Variants in CRPPA observed in about 807,000 individuals in gnomAD.
CRPPA encodes the protein D-ribitol-5-phosphate cytidylyltransferase.
Under a neutral mutation model 52.0 loss-of-function variants are expected in CRPPA, and 43 were observed. The ratio of observed to expected loss-of-function variants is 0.83; its 90% CI spans 0.65 to 1.07. CRPPA has a LOEUF of 1.07. Among genes scored for constraint, CRPPA ranks in the 50% least tolerant of loss-of-function variants. CRPPA has a pLI of 0.00. For missense variants in CRPPA, 629 were observed against 551.7 expected, an observed-to-expected ratio of 1.14 and a Z score of -1.40; for synonymous variants, 250 against 203.5, an observed-to-expected ratio of 1.23 and a Z score of -1.94.
At chr7:16,195,690 ACTT>A (rs1781715615) in intron 9 of CRPPA, among the ~76,000 whole-genome samples, 1 of 152,002 alleles carries the variant, frequency 6.6e-6, no homozygotes, top group Non-Finnish European at 1.5e-5. Flanking sequence ...CTTTCATATG[ACTT>A]CTTCTCAAGG....
At chr7:16,203,559 G>C (rs1781905636) in intron 9 of CRPPA, among the ~76,000 whole-genome samples, 2 of 152,088 alleles carry the variant, frequency 1.3e-5, no homozygotes, top group South Asian at 4.2e-4. Flanking sequence ...GTACATGCTT[G>C]ATATTACTTA....
rs183805696 is a variant in CRPPA at position 16,421,421 on chromosome 7, G to A, written c.-99C>T. ...GGTCGCGGGGCGAAGGGCAGACCAC[G>A]GAGAGGGACGCAGAGCGCGCAAGCA... On this transcript the variant is annotated 5_prime_UTR_variant, in exon 1 of 10. Coordinates refer to ENST00000407010, the MANE Select transcript of CRPPA (RefSeq NM_001101426.4). 21 of 1,135,960 alleles carry A rather than the reference G, an allele frequency of 1.8e-5. No individual in the cohort carries two copies. Among genetic ancestry groups the A allele is most frequent in the South Asian group, 4.6e-5 (1 of 21,956 alleles). The allele number at this position is 1,135,960 out of a possible 1,614,324, so 70.4% of individuals were successfully genotyped here.
intron 3 of CRPPA, among the ~76,000 whole-genome samples, chr7:16,348,559 C>A (rs1336217391): frequency 6.6e-6 from 1 of 152,168 alleles, no homozygotes; most frequent in Non-Finnish European, 1.5e-5. Context: ...CTGAAGAGGA[C>A]CAAACCAAGA....
At chr7:16,318,610 C>T (rs73684128) in intron 3 of CRPPA, among the ~76,000 whole-genome samples, 3,211 of 152,248 alleles carry the variant, frequency 0.021, 106 homozygotes, top group African/African-American at 0.072. Flanking sequence ...AGCTACAGGG[C>T]TGTGAGAGCT....
intron 9 of CRPPA, among the ~76,000 whole-genome samples, chr7:16,095,977 G>A (rs1233141173): frequency 6.6e-6 from 1 of 152,142 alleles, no homozygotes; most frequent in Non-Finnish European, 1.5e-5. Context: ...GGAGCAGGAG[G>A]TTAAATCTGA....
At chr7:16,221,773 G>T (rs944412280) in intron 8 of CRPPA, among the ~76,000 whole-genome samples, 4 of 151,284 alleles carry the variant, frequency 2.6e-5, no homozygotes, top group African/African-American at 9.7e-5. Flanking sequence ...TTAGAATGGC[G>T]ATCATTAAAA....
At chr7:16,275,995 T>C (rs1784195609) in intron 6 of CRPPA, among the ~76,000 whole-genome samples, 1 of 150,958 alleles carries the variant, frequency 6.6e-6, no homozygotes, top group South Asian at 2.1e-4. Flanking sequence ...ATTAAGAAAA[T>C]GACAGAACTA....
intron 8 of CRPPA, among the ~76,000 whole-genome samples, chr7:16,253,478 T>C (rs117859104): frequency 0.044 from 6,710 of 152,276 alleles, 200 homozygotes; most frequent in Non-Finnish European, 0.07. Context: ...GACAGACTGT[T>C]ACGATTTCTG....
intron 2 of CRPPA, among the ~76,000 whole-genome samples, chr7:16,398,061 G>A (rs559447179): frequency 2.2e-4 from 33 of 152,360 alleles, no homozygotes; most frequent in Non-Finnish European, 4.1e-4. Flanking sequence ...TGATCGAAAT[G>A]ACCAGGGCAT....
chr7:16,396,558 C>T (rs1787576669), intron 2 of CRPPA, among the ~76,000 whole-genome samples: 1 of 152,210 alleles, frequency 6.6e-6, no homozygotes, highest in Admixed American at 6.5e-5. Context: ...TTTGATCCAG[C>T]AATCCCACTA....
At chr7:16,152,071 TA>T (rs1199836136) in intron 9 of CRPPA, among the ~76,000 whole-genome samples, 1 of 151,970 alleles carries the variant, frequency 6.6e-6, no homozygotes, top group Non-Finnish European at 1.5e-5. Context: ...AAATAATTTT[TA>T]AATCACCACA....
intron 3 of CRPPA, among the ~76,000 whole-genome samples, chr7:16,330,419 G>A (rs749415424): frequency 7.2e-5 from 11 of 152,286 alleles, no homozygotes; most frequent in East Asian, 1.9e-4. Context: ...TCTTATATCC[G>A]TAAGAGAAGT....
rs567762127 is a variant in CRPPA at position 16,358,530 on chromosome 7, C to T, written c.684+17562G>A. ...CTGCCACCCCCATTCACCCCATCCA[C>T]AAAATATATATCACAGTTTATAATT... On this transcript the variant is annotated intron_variant, in intron 3 of 9. Transcript: ENST00000407010. Among the ~76,000 whole-genome samples the T allele has an allele frequency of 2.6e-5, 4 of 152,286 alleles. No individual in the cohort carries two copies. In the South Asian group the frequency reaches 8.3e-4, roughly 32 times the overall value.
chr7:16,281,032 A>T (rs985580613), intron 5 of CRPPA, among the ~76,000 whole-genome samples: 22 of 152,158 alleles, frequency 1.4e-4, no homozygotes, highest in African/African-American at 4.1e-4. Flanking sequence ...GGGAAAAAAA[A>T]ATCTATTTGG....
At chr7:16,377,373 G>A (rs1474919494) in intron 2 of CRPPA, among the ~76,000 whole-genome samples, 1 of 152,102 alleles carries the variant, frequency 6.6e-6, no homozygotes, top group Non-Finnish European at 1.5e-5. Flanking sequence ...AAGACAGGAA[G>A]GAAATGCATG....
chr7:16,229,924 G>GT (rs138746391), intron 8 of CRPPA, among the ~76,000 whole-genome samples: 22 of 151,728 alleles, frequency 1.4e-4, no homozygotes, highest in East Asian at 7.8e-4. Context: ...TTGGCTGACA[G>GT]TTTTTTTTCC....
chr7:16,399,046 C>A (rs1030274393), intron 2 of CRPPA, among the ~76,000 whole-genome samples: 1 of 152,186 alleles, frequency 6.6e-6, no homozygotes, highest in African/African-American at 2.4e-5. Context: ...GGACAGGTGA[C>A]AAGCGATTCA....
At chr7:16,200,735 T>C (rs1781831980) in intron 9 of CRPPA, among the ~76,000 whole-genome samples, 1 of 152,222 alleles carries the variant, frequency 6.6e-6, no homozygotes, top group Non-Finnish European at 1.5e-5. Context: ...ATGCTTAGTA[T>C]TGTGAAAGAG....
At chr7:16,278,587 C>G (rs1386015378) in intron 5 of CRPPA, among the ~76,000 whole-genome samples, 1 of 152,212 alleles carries the variant, frequency 6.6e-6, no homozygotes, top group Non-Finnish European at 1.5e-5. Context: ...CAGATTTCCA[C>G]TTCTTAAACA....
Sources: gnomAD v4.1 joint callset for allele counts (sites outside exome capture counted in the v4.1 genomes callset) on GRCh38, gnomAD v4.1.1 for gene constraint, MANE v1.5 for transcripts, NCBI Gene and HGNC (gene_info 2026-07-23, HGNC 2026-07-21) for gene names.